The following WASHC2C variants were observed in gnomAD, a reference collection of about 807,000 sequenced individuals.
WASHC2C encodes the protein WASH complex subunit 2C.
A neutral mutation model predicts 142.2 loss-of-function variants in WASHC2C; 73 were observed. The observed-to-expected ratio is 0.51, with a 90% CI of 0.43 to 0.62. WASHC2C has a LOEUF of 0.62. Ranked by LOEUF, WASHC2C falls within the 20% of genes least tolerant of loss-of-function variation. The pLI is 0.00. For missense variants in WASHC2C, 969 were observed against 1,531.7 expected (o/e 0.63, Z 6.13); for synonymous variants, 337 against 565.5 (o/e 0.60, Z 5.73).
chr10:45,753,884 T>C (rs1554875913), intron 13 of WASHC2C, among the ~76,000 whole-genome samples: 3 of 151,648 alleles, frequency 2.0e-5, no homozygotes, highest in Non-Finnish European at 4.4e-5. Flanking sequence ...TTTGTGGTAG[T>C]TCTTGGGACT....
chr10:45,792,212 C>G (rs2058433120), intron 30 of WASHC2C, 49 bp from the exon 31 acceptor site: 1 of 1,561,602 alleles, frequency 6.4e-7, no homozygotes, highest in African/African-American at 1.4e-5. Flanking sequence ...CTTAAAAGTA[C>G]CTTTCTCCAC....
At chr10:45,789,836 G>A (rs1227147623) in intron 29 of WASHC2C, among the ~76,000 whole-genome samples, 1 of 147,126 alleles carries the variant, frequency 6.8e-6, no homozygotes, top group African/African-American at 2.7e-5. Context: ...TCCAGCTTGG[G>A]AGTTTAACCT....
intron 19 of WASHC2C, among the ~76,000 whole-genome samples, chr10:45,768,948 T>A (rs2056267905): frequency 1.3e-5 from 2 of 152,024 alleles, no homozygotes; most frequent in East Asian, 3.9e-4. Context: ...AGAAGCTCTG[T>A]GAGGTCAGAG....
intron 3 of WASHC2C, among the ~76,000 whole-genome samples, chr10:45,731,515 G>A (rs1416717740): frequency 6.8e-6 from 1 of 146,114 alleles, no homozygotes; most frequent in African/African-American, 2.6e-5. Context: ...TCCTACTTCA[G>A]CCTCCCAAAG....
intron 17 of WASHC2C, among the ~76,000 whole-genome samples, chr10:45,762,630 G>C (rs2055261632): frequency 6.6e-6 from 1 of 152,250 alleles, no homozygotes; most frequent in Non-Finnish European, 1.5e-5. Flanking sequence ...AGTCGGCCGG[G>C]TGTGGTGGCT....
Position 45,746,673 on chromosome 10 carries a change from T to G in WASHC2C, c.732+26T>G, listed in dbSNP as rs530296818. ...GTAAGGCTCATATATTGAAATGACT[T>G]TGTTTTTACATTTTAATTGAAGCAT... On this transcript the variant is annotated intron_variant, in intron 8 of 30. Transcript: ENST00000623400. 2.4e-5 allele frequency: 39 copies of G among 1,612,112 alleles called. No individual in the cohort carries two copies. The Middle Eastern group carries it at 5.0e-4, about 20-fold the overall frequency.
At chr10:45,779,344 A>ACC (rs1332480425) in intron 23 of WASHC2C, among the ~76,000 whole-genome samples, 2 of 135,326 alleles carry the variant, frequency 1.5e-5, no homozygotes, top group South Asian at 2.2e-4. Flanking sequence ...TTAGAATTTC[A>ACC]CCCCCCTCTT....
Position 45,752,675 on chromosome 10 carries a change from G to A in WASHC2C, c.1091G>A (p.Gly364Asp). 3.1e-6 allele frequency: 5 copies of A among 1,609,516 alleles called. No homozygotes were observed. The highest frequency in any genetic ancestry group is 4.2e-6 in the Non-Finnish European group (5 of 1,178,812). Residue 364 changes from glycine (G) to aspartate (D), a missense_variant, in exon 12 of 31, where the codon GGC becomes GAC. Gly to Asp is a moderately conservative substitution (Grantham distance 94). Coordinates refer to ENST00000623400, the MANE Select transcript of WASHC2C (RefSeq NM_001330074.2). ...FGSGGGLFSG[G>D]KGLFDDEDEE... ...TCTGGAGGTGGCCTGTTCAGTGGCG[G>A]CAAGGGGCTATTTGATGATGAGGAC...
chr10:45,747,788 T>TCAAG (rs2053030881), intron 8 of WASHC2C, among the ~76,000 whole-genome samples: 3 of 150,968 alleles, frequency 2.0e-5, no homozygotes, highest in Non-Finnish European at 2.9e-5. Context: ...AGTCAGGGTC[T>TCAAG]TCCCATGTTT....
At chr10:45,761,868 T>G (rs1823522622) in intron 17 of WASHC2C, among the ~76,000 whole-genome samples, 2 of 152,226 alleles carry the variant, frequency 1.3e-5, no homozygotes, top group Admixed American at 1.3e-4. Flanking sequence ...ACGGGATGCC[T>G]GGAATCCCCC....
rs1189340318 is a variant in WASHC2C at position 45,741,584 on chromosome 10, A to G, written c.528+1338A>G. Among the ~76,000 whole-genome samples the G allele has an allele frequency of 3.7e-4, 57 of 152,146 alleles. No homozygotes were observed. The Middle Eastern group carries it at 0.01, about 27-fold the overall frequency. On this transcript the variant is annotated intron_variant, in intron 5 of 30. Transcript: ENST00000623400. The stretch of plus-strand genomic sequence containing the variant: ...TAACGCTGTCTTTGCCTTATGCTCC[A>G]TTGGTTGCTGTGACGTCGTTGAACC...
At position 45,792,279 on chromosome 10, in the gene WASHC2C, G is replaced by T; in HGVS notation, c.3905G>T (p.Gly1302Val). ...TCTAAAGATGACATCTTCTCCACTG[G>T]TATCCAGGCTAAGACAACCAAACCA... is the stretch of plus-strand genomic sequence containing the variant. ...DDDMDDIFSTGIQAKTTKPKS... is the reference protein window; with the variant it reads ...DDDMDDIFSTVIQAKTTKPKS... Residue 1302 changes from glycine to valine, a missense_variant, in exon 31 of 31, where the codon GGT becomes GTT. Coordinates refer to ENST00000623400, the MANE Select transcript of WASHC2C (RefSeq NM_001330074.2). 3.2e-6 allele frequency: 5 copies of T among 1,563,316 alleles called. 1 individual carries two copies. Among genetic ancestry groups the T allele is most frequent in the South Asian group, 2.3e-5 (2 of 88,478 alleles).
chr10:45,785,526 A>G lies in WASHC2C; in HGVS notation c.2706A>G (p.Arg902=). 1.2e-5 allele frequency: 19 copies of G among 1,613,822 alleles called. No individual in the cohort carries two copies. The highest frequency in any genetic ancestry group is 1.5e-5 in the Non-Finnish European group (18 of 1,179,838). ...TTTTGAAGGTACAAGAGAAAAAGAG[A>G]GTAGTGAAAAAAGACCACTCTGTTA... ...KSQPLVQEKK[R]VVKKDHSVNS... The change falls in exon 26 of 31, where the codon AGA becomes AGG. Residue 902 remains arginine (R), a synonymous_variant. Coordinates refer to ENST00000623400, the MANE Select transcript of WASHC2C (RefSeq NM_001330074.2).
In WASHC2C at chr10:45,754,412, C is replaced by A. The variant is rs1359174048; in HGVS notation, c.1181-74C>A. The A allele has an allele frequency of 2.5e-6, 4 of 1,604,356 alleles. No individual in the cohort carries two copies. The East Asian group carries it at 8.9e-5, about 36-fold the overall frequency. On this transcript the variant is annotated intron_variant, in intron 13 of 30. Coordinates refer to ENST00000623400, the MANE Select transcript of WASHC2C (RefSeq NM_001330074.2). ...GGTACTAGCTGTGTGTTACATTGCA[C>A]GTATTTCAGGAAGAAAATAGCAAGG...
intron 17 of WASHC2C, among the ~76,000 whole-genome samples, chr10:45,761,395 A>G (rs1222456090): frequency 6.6e-6 from 1 of 152,168 alleles, no homozygotes; most frequent in Non-Finnish European, 1.5e-5. Context: ...GATGGTCACA[A>G]TGGCCCATCC....
chr10:45,757,629 T>G (rs1438955063), intron 16 of WASHC2C, among the ~76,000 whole-genome samples: 3 of 152,116 alleles, frequency 2.0e-5, no homozygotes, highest in Admixed American at 6.5e-5. Flanking sequence ...AGAATACAGA[T>G]TTAAAATTAT....
At position 45,728,933 on chromosome 10, in the gene WASHC2C, C is replaced by T. The variant is rs17157971; in HGVS notation, c.198C>T (p.Asp66=). The T allele has an allele frequency of 0.037, 59,541 of 1,613,810 alleles. 1,300 individuals are homozygous for T. The highest frequency in any genetic ancestry group is 0.08 in the East Asian group (3,600 of 44,872). Residue 66 remains aspartate (D), a synonymous_variant, in exon 3 of 31, where the codon GAC becomes GAT. Coordinates refer to ENST00000623400, the MANE Select transcript of WASHC2C (RefSeq NM_001330074.2). The part of the protein sequence containing the change: ...SRTHEIKKQV[D]GLIRETKATD... ...CCCATGAAATCAAGAAACAAGTGGA[C>T]GGACTAATCCGGGAAACCAAAGCCA...
chr10:45,727,524 G>A lies in WASHC2C; in HGVS notation c.111G>A (p.Leu37=). 2 of 1,590,380 alleles carry A rather than the reference G, an allele frequency of 1.3e-6. No homozygotes were observed. The highest frequency in any genetic ancestry group is 8.5e-7 in the Non-Finnish European group (1 of 1,170,052). ...EIRRSSQSWS[L]AADAGLLQFL... ...GCAGGAGCAGCCAGAGCTGGTCGCTGGCGGCCGACGCGGGCGTGAGAGGCG... is the reference window on the plus strand; with the variant it reads ...GCAGGAGCAGCCAGAGCTGGTCGCTAGCGGCCGACGCGGGCGTGAGAGGCG... Residue 37 remains leucine (L), a synonymous_variant, in exon 2 of 31, where the codon CTG becomes CTA. Transcript: ENST00000623400.
Position 45,752,635 on chromosome 10 carries a change from T to G in WASHC2C, c.1051T>G (p.Phe351Val), listed in dbSNP as rs782513105. 1.5e-5 allele frequency: 24 copies of G among 1,609,806 alleles called. No homozygotes were observed. The highest frequency in any genetic ancestry group is 2.0e-5 in the Non-Finnish European group (23 of 1,178,914). The change falls in exon 12 of 31, where the codon TTC (phenylalanine) becomes GTC (valine). Residue 351 changes from phenylalanine to valine, a missense_variant. Physicochemically the swap from Phe to Val is conservative, Grantham distance 50. Transcript: ENST00000623400. ...FAPPKLTDED[F>V]SPFGSGGGLF... ...ACCCCCCAAGCTGACCGACGAGGAC[T>G]TCTCGCCATTTGGCTCTGGAGGTGG...
Sources: gnomAD v4.1 joint callset for allele counts (sites outside exome capture counted in the v4.1 genomes callset) on GRCh38, gnomAD v4.1.1 for gene constraint, MANE v1.5 for transcripts, NCBI Gene and HGNC (gene_info 2026-07-23, HGNC 2026-07-21) for gene names.